The following TRIM14 variants were observed in gnomAD, a reference collection of about 807,000 sequenced individuals.
The protein encoded by TRIM14 is tripartite motif-containing protein 14.
A neutral mutation model predicts 44.5 loss-of-function variants in TRIM14; 28 were observed. That is an observed-to-expected ratio of 0.63 (90% CI 0.47 to 0.86). The LOEUF is 0.86. TRIM14 is among the 40% of genes least tolerant of loss of function. TRIM14 has a pLI of 0.00. For synonymous variants in TRIM14, 299 were observed against 269.2 expected (o/e 1.11, Z -1.08); for missense variants, 607 against 611.1 (o/e 0.99, Z 0.07).
Position 98,091,961 on chromosome 9 carries a change from T to C in TRIM14, c.741A>G (p.Pro247=). ...CQLSDPSSTK[P]GTLLKTSPSP... The stretch of plus-strand genomic sequence containing the variant: ...AGGGGCTGGTTTTCAACAAGGTACC[T>C]GGCTTGGTGCTGGAAGGGTCTGAGA... The change falls in exon 5 of 6, where the codon CCA becomes CCG. Residue 247 remains proline (P), a synonymous_variant. Coordinates refer to ENST00000341469, the MANE Select transcript of TRIM14 (RefSeq NM_014788.4). 6.2e-7 allele frequency: 1 copy of C among 1,611,212 alleles called. No individual in the cohort carries two copies. The highest frequency in any genetic ancestry group is 8.5e-7 in the Non-Finnish European group (1 of 1,177,938).
chr9:98,052,262 G>A, the TRIM14 span, among the ~76,000 whole-genome samples: 2 of 151,734 alleles, frequency 1.3e-5, no homozygotes, highest in Non-Finnish European at 2.9e-5. Context: ...CAGGCTGTTA[G>A]TAATTATCTT....
chr9:98,119,011 G>A lies in TRIM14; in HGVS notation c.178C>T (p.Leu60=), dbSNP rs1329896261. 2 of 1,564,762 alleles carry A rather than the reference G, an allele frequency of 1.3e-6. No individual in the cohort carries two copies. The highest frequency in any genetic ancestry group is 1.7e-6 in the Non-Finnish European group (2 of 1,164,766). ...LGAHRGHPVG[L]ALEAAVHVQK... ...ACGTGCACCGCTGCCTCCAGCGCCAGGCCCACAGGGTGGCCACGGTGCGCG... is the reference window on the plus strand; with the variant it reads ...ACGTGCACCGCTGCCTCCAGCGCCAAGCCCACAGGGTGGCCACGGTGCGCG... Residue 60 remains leucine (L), a synonymous_variant, in exon 1 of 6, where the codon CTG becomes TTG. Transcript: ENST00000341469.
intron 4 of TRIM14, 32 bp downstream of exon 4, chr9:98,094,835 A>G: frequency 1.2e-6 from 2 of 1,606,882 alleles, no homozygotes; most frequent in East Asian, 2.2e-5. Flanking sequence ...TAGGGGAGTT[A>G]AGGACACAAA....
At position 98,087,479 on chromosome 9, in the gene TRIM14, C is replaced by G; in HGVS notation, c.1320G>C (p.Arg440=). ...ACGCCGGTCCTGGCCCCTAGGGCAG[C>G]CGGGGGATGCTGATGGCCCCCTCCC... ...RLWEGAISIP[R]LP The change falls in exon 6 of 6, where the codon CGG becomes CGC. Residue 440 remains arginine (R), a synonymous_variant. Transcript: ENST00000341469. 1 of 1,603,306 alleles carries G rather than the reference C, an allele frequency of 6.2e-7. No individual in the cohort carries two copies. Among genetic ancestry groups the G allele is most frequent in the Non-Finnish European group, 8.5e-7 (1 of 1,174,268 alleles).
intron 1 of TRIM14, among the ~76,000 whole-genome samples, chr9:98,117,905 A>G (rs1827111451): frequency 6.6e-6 from 1 of 152,146 alleles, no homozygotes. Context: ...TTTTTCAAGG[A>G]GCCATTATTA....
downstream of TRIM14, chr9:98,083,126 G>A: frequency 6.9e-7 from 1 of 1,454,616 alleles, no homozygotes; most frequent in South Asian, 1.2e-5. Flanking sequence ...GTGAGGCGAG[G>A]GCAGGAATGG....
intron 1 of TRIM14, among the ~76,000 whole-genome samples, chr9:98,114,306 G>A (rs1024450810): frequency 6.6e-5 from 10 of 151,952 alleles, no homozygotes; most frequent in African/African-American, 2.4e-4. Flanking sequence ...TTTGACCGTG[G>A]CTATTCTAAG....
chr9:98,058,173 T>G, the TRIM14 span, among the ~76,000 whole-genome samples: 1 of 152,104 alleles, frequency 6.6e-6, no homozygotes, highest in Non-Finnish European at 1.5e-5. Context: ...CACCTTGGCC[T>G]CCGAAAGTGC....
At chr9:98,049,654 T>G in the TRIM14 span, among the ~76,000 whole-genome samples, 1 of 152,208 alleles carries the variant, frequency 6.6e-6, no homozygotes, top group African/African-American at 2.4e-5. Context: ...CAGAGGTCAC[T>G]CTCATTGCCA....
At chr9:98,056,288 G>C in the TRIM14 span, among the ~76,000 whole-genome samples, 1 of 152,158 alleles carries the variant, frequency 6.6e-6, no homozygotes, top group African/African-American at 2.4e-5. Context: ...ATAACGCTCC[G>C]GAAGACTGAG....
intron 1 of TRIM14, among the ~76,000 whole-genome samples, chr9:98,112,985 G>A (rs1826908337): frequency 6.6e-6 from 1 of 150,726 alleles, no homozygotes; most frequent in Non-Finnish European, 1.5e-5. Context: ...ATGGTGTTGT[G>A]CACCTGTAGT....
exon 7 of TRIM14, chr9:98,069,472 C>T (rs1363016548): frequency 6.6e-6 from 1 of 152,142 alleles, no homozygotes; most frequent in Non-Finnish European, 1.5e-5. Flanking sequence ...TGGGGTTTCA[C>T]CATCTTGGCC....
At chr9:98,045,911 T>C in the TRIM14 span, among the ~76,000 whole-genome samples, 1 of 152,120 alleles carries the variant, frequency 6.6e-6, no homozygotes, top group Non-Finnish European at 1.5e-5. Context: ...TTGAGGAAAT[T>C]TCTGTTCCAA....
chr9:98,071,950 G>C (rs1358290204), intron 6 of TRIM14, among the ~76,000 whole-genome samples: 1 of 152,218 alleles, frequency 6.6e-6, no homozygotes. Context: ...AGGTGGCATC[G>C]GTTGAGAACC....
chr9:98,060,595 G>A, the TRIM14 span, among the ~76,000 whole-genome samples: 1 of 151,016 alleles, frequency 6.6e-6, no homozygotes, highest in Non-Finnish European at 1.5e-5. Flanking sequence ...GCTTGAACCC[G>A]GGAGGCATTG....
chr9:98,087,903 G>T lies in TRIM14; in HGVS notation c.896C>A (p.Pro299His). 2 of 1,569,468 alleles carry T rather than the reference G, an allele frequency of 1.3e-6. No homozygotes were observed. ...VRCGLLGSLG[P>H]VPVLRFDALW... Reference sequence around the variant, plus strand: ...CGCGTCGAACCGCAGCACGGGCACGGGCCCCAGGCTGCCCAGCAGGCCGCA... The same window carrying T: ...CGCGTCGAACCGCAGCACGGGCACGTGCCCCAGGCTGCCCAGCAGGCCGCA... The change falls in exon 6 of 6, where the codon CCC becomes CAC. Residue 299 changes from proline (P) to histidine (H), a missense_variant. By Grantham distance (77) the Pro-to-His change is moderately conservative. Transcript: ENST00000341469.
the TRIM14 span, among the ~76,000 whole-genome samples, chr9:98,050,453 C>A: frequency 6.6e-6 from 1 of 152,146 alleles, no homozygotes; most frequent in East Asian, 1.9e-4. Context: ...TATGCTGGAA[C>A]CTCCTGTTTA....
intron 6 of TRIM14, chr9:98,075,444 GGAAAGGGAGGAAA>G: frequency 6.8e-6 from 1 of 147,484 alleles, no homozygotes; most frequent in African/African-American, 2.5e-5. Flanking sequence ...AAGGGAGGAA[GGAAAGGGAGGAAA>G]GGGAGGGAGG....
At chr9:98,045,284 C>T in the TRIM14 span, among the ~76,000 whole-genome samples, 1 of 151,916 alleles carries the variant, frequency 6.6e-6, no homozygotes, top group African/African-American at 2.4e-5. Flanking sequence ...CAAATCCTCT[C>T]TCAGTACAAG....
Sources: allele counts gnomAD v4.1 joint callset (sites outside exome capture counted in the v4.1 genomes callset), GRCh38; gene constraint gnomAD v4.1.1; transcripts MANE v1.5; gene names NCBI Gene and HGNC (gene_info 2026-07-23, HGNC 2026-07-21).